CD200R1L: variants seen among roughly 807,000 people sequenced by gnomAD.
CD200R1L encodes the protein CD200 receptor 1 like, also known as cell surface glycoprotein CD200 receptor 2.
CD200R1L carries 14 observed loss-of-function variants against 24.8 expected under a neutral mutation model. That is an observed-to-expected ratio of 0.56 (90% CI 0.37 to 0.88). CD200R1L has a LOEUF of 0.88. CD200R1L is among the 40% of genes least tolerant of loss of function. The probability of loss-of-function intolerance (pLI) is 0.00; values close to 1 mark genes in which losing one functional copy is unlikely to be tolerated. For missense variants in CD200R1L, 299 were observed against 297.8 expected (o/e 1.00, Z -0.03); for synonymous variants, 111 against 109.2 (o/e 1.02, Z -0.11).
chr3:112,827,022 T>TCC lies in CD200R1L; in HGVS notation c.586_587insGG (p.Asn196ArgfsTer7). 6.2e-7 allele frequency: 1 copy of TCC among 1,612,032 alleles called. No individual in the cohort carries two copies. ...ATTCAACTTTACGGACAGACTCTTG[T>TCC]TGCCAGTCAAATGGGAGACATGGCA... On this transcript the variant is annotated frameshift_variant, in exon 6 of 8. Coordinates refer to ENST00000488794, the MANE Select transcript of CD200R1L (RefSeq NM_001199215.3). LOFTEE classifies it high-confidence loss of function.
chr3:112,845,675 T>G lies in CD200R1L; in HGVS notation c.-87+4A>C. 1 of 1,611,166 alleles carries G rather than the reference T, an allele frequency of 6.2e-7. No individual in the cohort carries two copies. ...AGCTGAAAATGTCACAGTATCAGAC[T>G]TACCAGACACCATGATAATGATGGA... On this transcript the variant is annotated splice_donor_region_variant and intron_variant, in intron 2 of 7. Transcript: ENST00000488794.
intron 3 of CD200R1L, among the ~76,000 whole-genome samples, chr3:112,834,234 CTTTTTTTTTTT>C (rs5851866): frequency 2.1e-5 from 2 of 93,350 alleles, no homozygotes; most frequent in Non-Finnish European, 4.3e-5. Context: ...CACCATCATT[CTTTTTTTTTTT>C]TTTTTTTTTT....
chr3:112,829,419 A>G (rs1559923199), intron 3 of CD200R1L, 35 bp from the exon 4 acceptor site: 2 of 1,571,554 alleles, frequency 1.3e-6, no homozygotes, highest in Non-Finnish European at 1.8e-6. Context: ...AGCGAAATCA[A>G]TTTTATGTAC....
In CD200R1L at chr3:112,832,317, C is replaced by T. The variant is rs566393932; in HGVS notation, c.-17-2933G>A. Among the ~76,000 whole-genome samples, 13 of 152,226 alleles carry T rather than the reference C, an allele frequency of 8.5e-5. No homozygotes were observed. In the South Asian group the frequency reaches 2.1e-3, roughly 24 times the overall value. On this transcript the variant is annotated intron_variant, in intron 3 of 7. Coordinates refer to ENST00000488794, the MANE Select transcript of CD200R1L (RefSeq NM_001199215.3). The stretch of plus-strand genomic sequence containing the variant: ...TGGGCCTGGTTCATATCACAGTGGA[C>T]CTTCAAAGTCCACAGACTTATACAG...
intron 7 of CD200R1L, among the ~76,000 whole-genome samples, chr3:112,817,979 T>C (rs564406297): frequency 6.6e-6 from 1 of 152,278 alleles, no homozygotes; most frequent in Non-Finnish European, 1.5e-5. Flanking sequence ...CAGAAACCCT[T>C]GATAAACCTA....
chr3:112,843,778 T>C (rs1939134911), intron 2 of CD200R1L, among the ~76,000 whole-genome samples: 1 of 152,142 alleles, frequency 6.6e-6, no homozygotes. Context: ...GAACAAGACC[T>C]AACCATCTGC....
rs923042285 is a variant in CD200R1L, at chr3:112,816,320, G to T, written c.741-345C>A. Among the ~76,000 whole-genome samples the T allele has an allele frequency of 2.6e-5, 4 of 152,110 alleles. 1 individual carries two copies. Among genetic ancestry groups the T allele is most frequent in the East Asian group, 3.9e-4 (2 of 5,188 alleles). ...ACAGAGAGGTAGGGATGGGACTGAG[G>T]GGACACAGCTCTGATCTACATGGTT... On this transcript the variant is annotated intron_variant, in intron 7 of 7. Transcript: ENST00000488794.
chr3:112,843,043 A>G (rs1245816361), intron 2 of CD200R1L, among the ~76,000 whole-genome samples: 1 of 152,182 alleles, frequency 6.6e-6, no homozygotes, highest in African/African-American at 2.4e-5. Context: ...TGAGTCTGCC[A>G]AGCTCAGAGG....
At chr3:112,841,266 G>A (rs1171589499) in intron 2 of CD200R1L, 8 of 451,710 alleles carry the variant, frequency 1.8e-5, no homozygotes, top group Non-Finnish European at 3.6e-5. Context: ...GCCATTTGAA[G>A]ACATGCTTGC....
In CD200R1L at chr3:112,827,485, A is replaced by G. The variant is rs1470415002; in HGVS notation, c.249T>C (p.Pro83=). ...GAATCTGAAGGTCCGAATTCTGATC[A>G]GGTCTAGAGACCCAGGTTATTCTCT... ...TVERITWVSR[P]DQNSDLQIRP... The change falls in exon 5 of 8, where the codon CCT becomes CCC. Residue 83 remains proline (P), a synonymous_variant. Transcript: ENST00000488794. The G allele has an allele frequency of 2.5e-6, 4 of 1,614,112 alleles. No individual in the cohort carries two copies. The highest frequency in any genetic ancestry group is 2.2e-5 in the South Asian group (2 of 91,090).
At chr3:112,846,256 C>T (rs1939200158) in intron 1 of CD200R1L, among the ~76,000 whole-genome samples, 1 of 152,236 alleles carries the variant, frequency 6.6e-6, no homozygotes, top group Admixed American at 6.5e-5. Flanking sequence ...GTAAACACTA[C>T]TCAGACTTCT....
rs150310937 is a variant in CD200R1L, at chr3:112,826,127, A to G, written c.616+866T>C. 9.7e-4 allele frequency among the ~76,000 whole-genome samples: 141 copies of G among 145,490 alleles called. 1 individual carries two copies. The highest frequency in any genetic ancestry group is 1.6e-3 in the Non-Finnish European group (102 of 64,550). ...GAAAAGAACAAACATGAAAGATATTATGAGGAATAATTAATATGATTATAT... is the reference window on the plus strand; with the variant it reads ...GAAAAGAACAAACATGAAAGATATTGTGAGGAATAATTAATATGATTATAT... On this transcript the variant is annotated intron_variant, in intron 6 of 7. Transcript: ENST00000488794.
At chr3:112,828,417 A>G (rs576241229) in intron 4 of CD200R1L, among the ~76,000 whole-genome samples, 15 of 152,308 alleles carry the variant, frequency 9.8e-5, no homozygotes, top group African/African-American at 3.6e-4. Flanking sequence ...TAGTGATAAG[A>G]TGTTTAGAAA....
chr3:112,833,569 A>T (rs146412563), intron 3 of CD200R1L, among the ~76,000 whole-genome samples: 1 of 152,226 alleles, frequency 6.6e-6, no homozygotes, highest in Non-Finnish European at 1.5e-5. Context: ...CCAACAAATC[A>T]TAAAGTAAAG....
At chr3:112,821,775 G>C (rs1938543042) in intron 6 of CD200R1L, among the ~76,000 whole-genome samples, 1 of 152,210 alleles carries the variant, frequency 6.6e-6, no homozygotes, top group African/African-American at 2.4e-5. Context: ...ATGTACAAGA[G>C]AGAAAACAGT....
chr3:112,822,178 T>A (rs931023295), intron 6 of CD200R1L, among the ~76,000 whole-genome samples: 1 of 152,188 alleles, frequency 6.6e-6, no homozygotes, highest in Non-Finnish European at 1.5e-5. Flanking sequence ...GCAATATGTA[T>A]GTATTTGGTC....
In CD200R1L at chr3:112,845,912, GACTGATTAACC is replaced by G. The variant is rs1342194141; in HGVS notation, c.-331_-321del. 5.4e-6 allele frequency: 3 copies of G among 557,114 alleles called. No individual in the cohort carries two copies. Among genetic ancestry groups the G allele is most frequent in the Non-Finnish European group, 9.5e-6 (3 of 315,028 alleles). 34.5% of individuals were successfully genotyped at this position (557,114 alleles called of 1,614,324 possible). A position where few individuals can be genotyped will look rare whatever the true frequency, so the allele number is the denominator to read the frequency against. ...TTTTGCTGTCATTCTATATGTTTTT[GACTGATTAACC>G]ACTGATGGGAAATGTCAGTGAGTTT... On this transcript the variant is annotated 5_prime_UTR_variant, in exon 2 of 8. Transcript: ENST00000488794.
Position 112,845,764 on chromosome 3 carries a change from A to G in CD200R1L, c.-172T>C, listed in dbSNP as rs1290907068. 1 of 1,518,190 alleles carries G rather than the reference A, an allele frequency of 6.6e-7. No homozygotes were observed. The allele number at this position is 1,518,190 out of a possible 1,614,324, so 94.0% of individuals were successfully genotyped here. A position where few individuals can be genotyped will look rare whatever the true frequency, so the allele number is the denominator to read the frequency against. On this transcript the variant is annotated 5_prime_UTR_variant, in exon 2 of 8. Transcript: ENST00000488794. Reference sequence around the variant, plus strand: ...GCTTTTGGAGTGGTTTTCTACTTAAACATAAATCCACTTTAAATCAATCAA... The same window carrying G: ...GCTTTTGGAGTGGTTTTCTACTTAAGCATAAATCCACTTTAAATCAATCAA...
chr3:112,827,779 A>G, intron 4 of CD200R1L, 95 bp from the exon 5 acceptor site: 1 of 1,220,770 alleles, frequency 8.2e-7, no homozygotes, highest in Non-Finnish European at 1.1e-6. Flanking sequence ...AAGTTTTATT[A>G]GAACATAAAT....
Sources: allele counts gnomAD v4.1 joint callset (sites outside exome capture counted in the v4.1 genomes callset), GRCh38; gene constraint gnomAD v4.1.1; transcripts MANE v1.5; gene names NCBI Gene and HGNC (gene_info 2026-07-23, HGNC 2026-07-21).